The following ADAMTS9 variants were observed in gnomAD, a reference collection of about 807,000 sequenced individuals.
ADAMTS9 encodes A disintegrin and metalloproteinase with thrombospondin motifs 9.
Under a neutral mutation model 257.1 loss-of-function variants are expected in ADAMTS9, and 107 were observed. The observed-to-expected ratio is 0.42, with a 90% CI of 0.36 to 0.49. ADAMTS9 has a LOEUF of 0.49. Ranked by LOEUF, ADAMTS9 falls within the 20% of genes least tolerant of loss-of-function variation. The pLI is 0.03. For synonymous variants in ADAMTS9, 982 were observed against 880.9 expected (o/e 1.11, Z -2.03); for missense variants, 2,353 against 2,469.1 (o/e 0.95, Z 1.00).
At chr3:64,585,819 A>G (rs909628503) in intron 28 of ADAMTS9, among the ~76,000 whole-genome samples, 5 of 152,118 alleles carry the variant, frequency 3.3e-5, no homozygotes, top group Non-Finnish European at 5.9e-5. Context: ...TGAAAACCCC[A>G]AATCTTGCTC....
chr3:64,687,883 A>G lies in ADAMTS9; in HGVS notation c.-226T>C. On this transcript the variant is annotated 5_prime_UTR_variant, in exon 1 of 40. Transcript: ENST00000498707. The surrounding 1 kb of genome is among the most constrained non-coding windows in gnomAD (Gnocchi z 4.4). ...GCTGAGCCGCTCGGGCCGCAGGAGG[A>G]GCCGGAGGAGCAGGAGGAGGAGGAG... 2.4e-6 allele frequency: 1 copy of G among 411,232 alleles called. No homozygotes were observed. Among genetic ancestry groups the G allele is most frequent in the Non-Finnish European group, 4.4e-6 (1 of 227,654 alleles). The allele number at this position is 411,232 out of a possible 1,614,324, so 25.5% of individuals were successfully genotyped here.
At chr3:64,526,995 T>G (rs914906071) in intron 38 of ADAMTS9, among the ~76,000 whole-genome samples, 1 of 152,184 alleles carries the variant, frequency 6.6e-6, no homozygotes, top group Non-Finnish European at 1.5e-5. Context: ...TTTATACCAT[T>G]ATTGCTATCT....
intron 28 of ADAMTS9, among the ~76,000 whole-genome samples, chr3:64,580,318 T>C (rs2083965722): frequency 6.6e-6 from 1 of 152,186 alleles, no homozygotes; most frequent in Admixed American, 6.5e-5. Flanking sequence ...AGAAAAAGCC[T>C]TGCTTTCTAA....
chr3:64,614,839 CTT>C (rs58885924), intron 21 of ADAMTS9: 25 of 142,738 alleles, frequency 1.8e-4, no homozygotes, highest in East Asian at 6.0e-4. Context: ...CATTTCTTTT[CTT>C]TTTTTTTTTT....
chr3:64,545,379 C>A (rs1039004575), intron 32 of ADAMTS9, among the ~76,000 whole-genome samples: 7 of 152,196 alleles, frequency 4.6e-5, no homozygotes, highest in South Asian at 2.1e-4. Flanking sequence ...CAATGATAGA[C>A]TGCACTAAGA....
chr3:64,601,137 C>T (rs1234781600), intron 26 of ADAMTS9, among the ~76,000 whole-genome samples: 1 of 152,070 alleles, frequency 6.6e-6, no homozygotes, highest in African/African-American at 2.4e-5. Flanking sequence ...TTGTCAAGGC[C>T]TCCCTAATTT....
intron 16 of ADAMTS9, among the ~76,000 whole-genome samples, chr3:64,627,561 G>C (rs1700254761): frequency 6.6e-6 from 1 of 152,154 alleles, no homozygotes; most frequent in African/African-American, 2.4e-5. Context: ...AGCTCAACAG[G>C]AGGAAGGGGT....
At position 64,662,249 on chromosome 3, in the gene ADAMTS9, G is replaced by A. The variant is rs975090573; in HGVS notation, c.680-3458C>T. Among the ~76,000 whole-genome samples, 5 of 151,760 alleles carry A rather than the reference G, an allele frequency of 3.3e-5. No homozygotes were observed. In the South Asian group the frequency reaches 8.3e-4, roughly 25 times the overall value. On this transcript the variant is annotated intron_variant, in intron 3 of 39. Transcript: ENST00000498707. ...TTGTCTGTAATGGATTTCTAATTTT[G>A]TTACATTGTGATCAGCAAATATGTT...
intron 30 of ADAMTS9, among the ~76,000 whole-genome samples, chr3:64,559,135 C>T (rs1051611420): frequency 2.0e-5 from 3 of 152,084 alleles, no homozygotes; most frequent in Non-Finnish European, 4.4e-5. Context: ...TGAGGACTAC[C>T]CCAGGCAAAC....
chr3:64,641,534 T>C (rs901924643), intron 12 of ADAMTS9, among the ~76,000 whole-genome samples: 3 of 137,674 alleles, frequency 2.2e-5, no homozygotes, highest in African/African-American at 8.2e-5. Context: ...TGGGTTCTCA[T>C]TGTTAAGCTC....
intron 22 of ADAMTS9, among the ~76,000 whole-genome samples, chr3:64,610,153 C>G (rs7626757): frequency 0.03 from 4,589 of 152,208 alleles, 220 homozygotes; most frequent in African/African-American, 0.1. Context: ...AGAGCTAAAA[C>G]TAGAAAACTC....
In ADAMTS9 at chr3:64,682,119, C is replaced by T. The variant is rs141222910; in HGVS notation, c.517-756G>A. Among the ~76,000 whole-genome samples the T allele has an allele frequency of 2.4e-3, 369 of 152,304 alleles. 4 individuals carry two copies. The South Asian group carries it at 0.025, about 10-fold the overall frequency. On this transcript the variant is annotated intron_variant, in intron 2 of 39. Coordinates refer to ENST00000498707, the MANE Select transcript of ADAMTS9 (RefSeq NM_182920.2). ...AATAGGGGAGTGATGTCCTGCAAGGCTTTGAAGCCAGATTGCCCTAGGTTC... is the reference window on the plus strand; with the variant it reads ...AATAGGGGAGTGATGTCCTGCAAGGTTTTGAAGCCAGATTGCCCTAGGTTC...
chr3:64,551,083 A>G (rs752355567), intron 30 of ADAMTS9, 21 bp from the exon 31 acceptor site: 2 of 1,612,742 alleles, frequency 1.2e-6, no homozygotes, highest in South Asian at 1.1e-5. Context: ...CAAGCAAAAG[A>G]GAAGAATAAA....
intron 28 of ADAMTS9, 23 bp from the exon 29 acceptor site, chr3:64,568,558 GGTT>G (rs1275548764): frequency 5.6e-6 from 9 of 1,606,632 alleles, no homozygotes; most frequent in South Asian, 2.2e-5. Context: ...GCAATGGCAA[GGTT>G]GTTGTTGTTT....
At chr3:64,553,819 C>T (rs2083298671) in intron 30 of ADAMTS9, among the ~76,000 whole-genome samples, 1 of 152,044 alleles carries the variant, frequency 6.6e-6, no homozygotes, top group African/African-American at 2.4e-5. Flanking sequence ...CAAATTAGTG[C>T]AGGAGGCCGG....
intron 12 of ADAMTS9, among the ~76,000 whole-genome samples, chr3:64,638,993 AG>A (rs995641477): frequency 1.3e-5 from 2 of 152,148 alleles, no homozygotes; most frequent in Non-Finnish European, 2.9e-5. Context: ...ATTCCCAGTG[AG>A]GGGGGCAGCT....
At chr3:64,588,655 C>T (rs1308024113) in intron 28 of ADAMTS9, 1 of 152,104 alleles carries the variant, frequency 6.6e-6, no homozygotes, top group Non-Finnish European at 1.5e-5. Context: ...GACTCCTCCT[C>T]AGAGTCCAAT....
At chr3:64,582,106 G>A (rs13088399) in intron 28 of ADAMTS9, among the ~76,000 whole-genome samples, 53,542 of 151,958 alleles carry the variant, frequency 0.35, 9,729 homozygotes, top group Non-Finnish European at 0.39. Context: ...TGTACCTGCC[G>A]TTTTGAGTGT....
Position 64,658,752 on chromosome 3 carries a change from C to T in ADAMTS9, c.719G>A (p.Arg240Lys). 1 of 1,614,154 alleles carries T rather than the reference C, an allele frequency of 6.2e-7. No homozygotes were observed. The highest frequency in any genetic ancestry group is 8.5e-7 in the Non-Finnish European group (1 of 1,180,018). ...AATCCTTTCTCCCCATTTTCTTGCT[C>T]TGGTTTTCTTCTTGTCTTTACTGTG... ...NRHSKDKKKT[R>K]ARKWGERINL... is the part of the protein sequence containing the mutation. Residue 240 changes from arginine (R) to lysine (K), a missense_variant, in exon 4 of 40, where the codon AGA (arginine) becomes AAA (lysine). Transcript: ENST00000498707.
Sources: gnomAD v4.1 joint callset for allele counts (sites outside exome capture counted in the v4.1 genomes callset) on GRCh38, gnomAD v4.1.1 for gene constraint, Gnocchi (gnomAD v3.1) non-coding constraint, MANE v1.5 for transcripts, NCBI Gene and HGNC (gene_info 2026-07-23, HGNC 2026-07-21) for gene names.